The following CLASP1 variants were observed in gnomAD, a reference collection of about 807,000 sequenced individuals.
CLASP1 encodes CLIP-associating protein 1.
CLASP1 carries 38 observed loss-of-function variants against 192.3 expected under a neutral mutation model. The ratio of observed to expected loss-of-function variants is 0.20; its 90% CI spans 0.15 to 0.26. CLASP1 has a LOEUF of 0.26. Ranked by LOEUF, CLASP1 falls within the 10% of genes least tolerant of loss-of-function variation. CLASP1 has a pLI of 1.00. For synonymous variants in CLASP1, 691 were observed against 712.8 expected, an observed-to-expected ratio of 0.97 and a Z score of 0.49; for missense variants, 1,433 against 1,932.5, an observed-to-expected ratio of 0.74 and a Z score of 4.85.
In CLASP1 at chr2:121,397,125, T is replaced by C; in HGVS notation, c.3123+15A>G. On this transcript the variant is annotated intron_variant, in intron 30 of 39. Coordinates refer to ENST00000263710, the Ensembl canonical transcript of CLASP1. ...GGAACAATCTGTAATTACACGTCGGTTCTCTTGGACATACCTTTCTCACGT... is the reference window on the plus strand; with the variant it reads ...GGAACAATCTGTAATTACACGTCGGCTCTCTTGGACATACCTTTCTCACGT... The C allele has an allele frequency of 6.2e-7, 1 of 1,612,946 alleles. No individual in the cohort carries two copies. The highest frequency in any genetic ancestry group is 8.5e-7 in the Non-Finnish European group (1 of 1,179,074).
intron 19 of CLASP1, among the ~76,000 whole-genome samples, chr2:121,436,773 C>T (rs548693329): frequency 6.9e-4 from 105 of 152,096 alleles, no homozygotes; most frequent in African/African-American, 1.4e-3. Context: ...TTGTCTCTGC[C>T]CCATTCTCCC....
intron 6 of CLASP1, among the ~76,000 whole-genome samples, chr2:121,516,558 G>A (rs992188533): frequency 1.3e-5 from 2 of 152,176 alleles, no homozygotes; most frequent in Non-Finnish European, 2.9e-5. Flanking sequence ...TACGAAATAA[G>A]GTGTGAGAGA....
chr2:121,430,030 G>A, intron 20 of CLASP1, 43 bp downstream of exon 20: 1 of 1,405,522 alleles, frequency 7.1e-7, no homozygotes, highest in South Asian at 1.2e-5. Context: ...ATGAGCTGTT[G>A]AATAAAACTG....
chr2:121,406,600 A>G (rs1332077885), intron 25 of CLASP1, among the ~76,000 whole-genome samples: 1 of 151,404 alleles, frequency 6.6e-6, no homozygotes, highest in Non-Finnish European at 1.5e-5. Context: ...TATTTTTTTT[A>G]TTTTTTTTGA....
At position 121,393,597 on chromosome 2, in the gene CLASP1, G is replaced by A. The variant is rs144611376; in HGVS notation, c.3123+3543C>T. On this transcript the variant is annotated intron_variant, in intron 30 of 39. Transcript: ENST00000263710. Reference sequence around the variant, plus strand: ...TTCATTTTGACAGTGCTTCAAGAACGTCTCATATTCTTGGGTAAGGCAGCT... The same window carrying A: ...TTCATTTTGACAGTGCTTCAAGAACATCTCATATTCTTGGGTAAGGCAGCT... 7.3e-3 allele frequency among the ~76,000 whole-genome samples: 1,117 copies of A among 152,150 alleles called. 9 individuals are homozygous for A. The highest frequency in any genetic ancestry group is 0.012 in the Non-Finnish European group (838 of 67,986).
intron 8 of CLASP1, among the ~76,000 whole-genome samples, chr2:121,472,925 C>T (rs2091010700): frequency 6.6e-6 from 1 of 152,174 alleles, no homozygotes; most frequent in Non-Finnish European, 1.5e-5. Flanking sequence ...AGCAGGCCTA[C>T]AGGGCATTAG....
Position 121,532,999 on chromosome 2 carries a change from G to A in CLASP1, c.196-2674C>T, listed in dbSNP as rs370274088. Among the ~76,000 whole-genome samples, 48 of 152,324 alleles carry A rather than the reference G, an allele frequency of 3.2e-4. No individual in the cohort carries two copies. In the South Asian group the frequency reaches 8.3e-3, roughly 26 times the overall value. On this transcript the variant is annotated intron_variant, in intron 2 of 39. Coordinates refer to ENST00000263710, the Ensembl canonical transcript of CLASP1. ...GCAGGTAGGGGTGTTATTCATGACA[G>A]AAACATCCCTTCATACATCGTTCAA...
intron 28 of CLASP1, 62 bp from the exon 30 acceptor site, chr2:121,398,462 T>C: frequency 1.8e-6 from 2 of 1,141,432 alleles, no homozygotes; most frequent in Non-Finnish European, 1.3e-6. Context: ...AATGTAAAAC[T>C]ATTTAACAAA....
At chr2:121,387,290 T>C (rs1410310711) in intron 31 of CLASP1, 62 bp from the exon 33 acceptor site, 3 of 1,139,386 alleles carry the variant, frequency 2.6e-6, no homozygotes, top group African/African-American at 1.6e-5. Context: ...ATTCTATTCT[T>C]TCCTTGGTCT....
intron 8 of CLASP1, among the ~76,000 whole-genome samples, chr2:121,493,938 C>G (rs190343205): frequency 1.1e-3 from 162 of 152,262 alleles, no homozygotes; most frequent in African/African-American, 3.8e-3. Flanking sequence ...ATCCAAAAGA[C>G]AGGCAGTAAC....
chr2:121,545,496 G>A (rs2095312070), intron 2 of CLASP1, among the ~76,000 whole-genome samples: 1 of 151,972 alleles, frequency 6.6e-6, no homozygotes, highest in African/African-American at 2.4e-5. Flanking sequence ...ACTCTAAAGT[G>A]GGCCCCCTCC....
intron 8 of CLASP1, among the ~76,000 whole-genome samples, chr2:121,483,456 ATG>A (rs148262773): frequency 0.037 from 5,560 of 150,952 alleles, 152 homozygotes; most frequent in East Asian, 0.14. Flanking sequence ...ATGAATGAAT[ATG>A]TGTGTGTGTG....
At chr2:121,531,564 C>T (rs2094881830) in intron 2 of CLASP1, among the ~76,000 whole-genome samples, 1 of 144,256 alleles carries the variant, frequency 6.9e-6, no homozygotes, top group African/African-American at 2.7e-5. Flanking sequence ...CCACTGCACT[C>T]CAGCCTGGGC....
intron 5 of CLASP1, among the ~76,000 whole-genome samples, 160 bp downstream of exon 5, chr2:121,527,639 T>C (rs918353568): frequency 4.6e-5 from 7 of 152,204 alleles, no homozygotes; most frequent in East Asian, 1.9e-4. Context: ...TGCTGTACTA[T>C]AGTTATTCAA....
intron 19 of CLASP1, among the ~76,000 whole-genome samples, chr2:121,437,778 C>T (rs2082556198): frequency 6.6e-6 from 1 of 152,166 alleles, no homozygotes; most frequent in Admixed American, 6.5e-5. Context: ...ACAATCATCA[C>T]ATCAAATGCC....
intron 1 of CLASP1, among the ~76,000 whole-genome samples, chr2:121,624,167 C>A (rs1576554234): frequency 6.6e-6 from 1 of 151,126 alleles, no homozygotes; most frequent in East Asian, 1.9e-4. Flanking sequence ...TATTATATTC[C>A]TTCTGCTCAC....
intron 18 of CLASP1, 104 bp downstream of exon 18, chr2:121,448,172 C>A (rs535872186): frequency 1.1e-6 from 1 of 946,512 alleles, no homozygotes; most frequent in Non-Finnish European, 1.7e-6. Context: ...TAAGAAGGAA[C>A]TGAGGGCAGG....
chr2:121,417,718 C>T (rs952678515), intron 23 of CLASP1, among the ~76,000 whole-genome samples: 9 of 152,110 alleles, frequency 5.9e-5, no homozygotes, highest in African/African-American at 1.2e-4. Context: ...TTTTGATTAC[C>T]GACACTGATT....
chr2:121,382,732 C>G (rs2072035612), intron 32 of CLASP1, among the ~76,000 whole-genome samples: 1 of 152,140 alleles, frequency 6.6e-6, no homozygotes, highest in Non-Finnish European at 1.5e-5. Context: ...TAGAAAGAAC[C>G]AAAGAAGAAT....
Sources: gnomAD v4.1 joint callset for allele counts (sites outside exome capture counted in the v4.1 genomes callset) on GRCh38, gnomAD v4.1.1 for gene constraint, MANE v1.5 for transcripts, NCBI Gene and HGNC (gene_info 2026-07-23, HGNC 2026-07-21) for gene names.